CSMD1: variants seen among roughly 807,000 people sequenced by gnomAD.
The protein encoded by CSMD1 is CUB and sushi domain-containing protein 1.
In CSMD1, 213 loss-of-function variants were observed where a neutral mutation model predicts 417.5. The observed-to-expected ratio is 0.51, with a 90% CI of 0.46 to 0.57. CSMD1 has a LOEUF of 0.57. Ranked by LOEUF, CSMD1 falls within the 20% of genes least tolerant of loss-of-function variation. The pLI is 0.00. For missense variants in CSMD1, 6,923 were observed against 4,529.7 expected (o/e 1.53, Z -15.17); for synonymous variants, 2,862 against 1,736.8 (o/e 1.65, Z -16.11).
intron 1 of CSMD1, among the ~76,000 whole-genome samples, chr8:4,868,002 A>T (rs1802516641): frequency 6.6e-6 from 1 of 152,028 alleles, no homozygotes; most frequent in Non-Finnish European, 1.5e-5. Context: ...TCAGTTCACA[A>T]AACTGCTAAA....
At chr8:3,156,317 G>T (rs1188448605) in intron 39 of CSMD1, among the ~76,000 whole-genome samples, 2 of 152,194 alleles carry the variant, frequency 1.3e-5, no homozygotes, top group African/African-American at 2.4e-5. Context: ...CACCCCAGAA[G>T]TGTGACTGTT....
chr8:4,133,345 G>C (rs746477433), intron 3 of CSMD1, among the ~76,000 whole-genome samples: 14 of 152,170 alleles, frequency 9.2e-5, no homozygotes, highest in Non-Finnish European at 1.9e-4. Context: ...TCTCAGCATG[G>C]TAAGCACTTC....
chr8:3,218,509 T>A (rs1321712803), intron 29 of CSMD1, among the ~76,000 whole-genome samples: 1 of 145,604 alleles, frequency 6.9e-6, no homozygotes, highest in African/African-American at 2.6e-5. Flanking sequence ...TGCAGTGAGC[T>A]GAGATCACAC....
chr8:3,080,874 C>T (rs1814043513), intron 49 of CSMD1, among the ~76,000 whole-genome samples: 1 of 152,104 alleles, frequency 6.6e-6, no homozygotes, highest in African/African-American at 2.4e-5. Context: ...CACAATGTAT[C>T]CTCCAATTTC....
intron 2 of CSMD1, among the ~76,000 whole-genome samples, chr8:4,622,400 G>T (rs1272380242): frequency 6.6e-6 from 1 of 152,030 alleles, no homozygotes; most frequent in Non-Finnish European, 1.5e-5. Flanking sequence ...GGACCTTCTG[G>T]CGAGCTACCC....
At chr8:2,966,941 T>C (rs541399172) in intron 57 of CSMD1, among the ~76,000 whole-genome samples, 195 bp from the exon 58 acceptor site, 14 of 152,338 alleles carry the variant, frequency 9.2e-5, no homozygotes, top group Admixed American at 5.2e-4. Flanking sequence ...GCTACAAATA[T>C]AAAAATAACC....
chr8:4,063,819 G>C (rs963611893), intron 3 of CSMD1, among the ~76,000 whole-genome samples: 11 of 152,154 alleles, frequency 7.2e-5, no homozygotes, highest in African/African-American at 2.7e-4. Context: ...AGAGCACTTT[G>C]AATGTGGTAA....
At chr8:4,016,306 A>T (rs549844517) in intron 4 of CSMD1, among the ~76,000 whole-genome samples, 1 of 152,198 alleles carries the variant, frequency 6.6e-6, no homozygotes, top group East Asian at 1.9e-4. Context: ...ATAGAAAATA[A>T]ATGGGGAATA....
chr8:4,045,976 G>C (rs926320937), intron 3 of CSMD1, among the ~76,000 whole-genome samples: 1 of 152,018 alleles, frequency 6.6e-6, no homozygotes, highest in South Asian at 2.1e-4. Context: ...AGATTCCTGT[G>C]AAGTGGATAT....
intron 1 of CSMD1, among the ~76,000 whole-genome samples, chr8:4,677,027 T>G (rs1301715794): frequency 6.8e-6 from 1 of 146,486 alleles, no homozygotes. Context: ...TACATAGAAT[T>G]TTATATAGAG....
intron 23 of CSMD1, among the ~76,000 whole-genome samples, chr8:3,312,492 T>A (rs892548999): frequency 4.6e-5 from 7 of 152,170 alleles, no homozygotes; most frequent in African/African-American, 7.2e-5. Context: ...ATTTGGCCAT[T>A]CTAGAGATCA....
At chr8:4,922,367 T>C (rs1806557052) in intron 1 of CSMD1, among the ~76,000 whole-genome samples, 1 of 152,238 alleles carries the variant, frequency 6.6e-6, no homozygotes, top group Admixed American at 6.5e-5. Context: ...TGTATGCTTA[T>C]ATATAGCACA....
At chr8:3,701,730 C>G (rs1800882509) in intron 7 of CSMD1, among the ~76,000 whole-genome samples, 1 of 152,134 alleles carries the variant, frequency 6.6e-6, no homozygotes, top group Non-Finnish European at 1.5e-5. Flanking sequence ...AAACACTCTA[C>G]AGTTATAATT....
intron 2 of CSMD1, among the ~76,000 whole-genome samples, chr8:4,632,704 T>C (rs562050465): frequency 6.6e-6 from 1 of 152,242 alleles, no homozygotes; most frequent in East Asian, 1.9e-4. Context: ...AGGCTTCCAA[T>C]TGCAGTAGGT....
At chr8:3,446,542 T>A (rs1193438174) in intron 12 of CSMD1, among the ~76,000 whole-genome samples, 1 of 152,094 alleles carries the variant, frequency 6.6e-6, no homozygotes, top group African/African-American at 2.4e-5. Context: ...AAGGATAGAG[T>A]GCAGGTAGTG....
chr8:3,012,454 A>G (rs1441849654), intron 52 of CSMD1, among the ~76,000 whole-genome samples: 1 of 152,198 alleles, frequency 6.6e-6, no homozygotes, highest in Non-Finnish European at 1.5e-5. Context: ...GGAAACAACT[A>G]GCATGCCAGC....
intron 2 of CSMD1, among the ~76,000 whole-genome samples, chr8:4,480,241 AG>A (rs926882470): frequency 9.2e-5 from 14 of 152,004 alleles, no homozygotes; most frequent in Non-Finnish European, 1.9e-4. Flanking sequence ...GTAAGGAAAA[AG>A]CAGGACTTCT....
chr8:3,804,025 T>A (rs1800597384), intron 5 of CSMD1, among the ~76,000 whole-genome samples: 1 of 152,098 alleles, frequency 6.6e-6, no homozygotes. Context: ...CCTCCTGAGT[T>A]CAAGCGATTC....
intron 7 of CSMD1, among the ~76,000 whole-genome samples, chr8:3,643,296 G>T (rs559382899): frequency 6.6e-6 from 1 of 152,136 alleles, no homozygotes; most frequent in Admixed American, 6.5e-5. Context: ...ATGGAAAGGA[G>T]GGACGGGCAA....
Sources: gnomAD v4.1 joint callset for allele counts (sites outside exome capture counted in the v4.1 genomes callset) on GRCh38, gnomAD v4.1.1 for gene constraint, MANE v1.5 for transcripts, NCBI Gene and HGNC (gene_info 2026-07-23, HGNC 2026-07-21) for gene names.